The following USP10 variants were observed in gnomAD, a reference collection of about 807,000 sequenced individuals.
USP10 encodes ubiquitin carboxyl-terminal hydrolase 10.
USP10 carries 22 observed loss-of-function variants against 84.5 expected under a neutral mutation model. That is an observed-to-expected ratio of 0.26 (90% CI 0.19 to 0.37). USP10 has a LOEUF of 0.37. Among genes scored for constraint, USP10 ranks in the 10% least tolerant of loss-of-function variants. The pLI, the probability that USP10 is intolerant of heterozygous loss-of-function variation, is 1.00. For synonymous variants in USP10, 454 were observed against 387.6 expected, an observed-to-expected ratio of 1.17 and a Z score of -2.01; for missense variants, 1,019 against 998.9, an observed-to-expected ratio of 1.02 and a Z score of -0.27.
At chr16:84,704,245 A>G (rs76760237) in intron 1 of USP10, among the ~76,000 whole-genome samples, 2 of 152,254 alleles carry the variant, frequency 1.3e-5, no homozygotes, top group Non-Finnish European at 2.9e-5. Context: ...CAGGTGGCAC[A>G]TTAAACGTGG....
chr16:84,737,046 C>T (rs771074786), intron 2 of USP10, among the ~76,000 whole-genome samples: 4 of 152,220 alleles, frequency 2.6e-5, no homozygotes, highest in Non-Finnish European at 5.9e-5. Context: ...CCTCGGCTTC[C>T]CAAAGTGCTG....
At chr16:84,702,702 A>G (rs1407728656) in intron 1 of USP10, among the ~76,000 whole-genome samples, 1 of 152,160 alleles carries the variant, frequency 6.6e-6, no homozygotes, top group Non-Finnish European at 1.5e-5. Context: ...ACAGTTTAAA[A>G]ATGTTTACAG....
chr16:84,706,763 A>G (rs944090885), intron 1 of USP10, among the ~76,000 whole-genome samples: 8 of 151,798 alleles, frequency 5.3e-5, no homozygotes, highest in African/African-American at 1.9e-4. Context: ...GATGGTCTCC[A>G]TCTCCTGACC....
At chr16:84,737,899 G>A (rs1223772724) in intron 2 of USP10, among the ~76,000 whole-genome samples, 2 of 152,168 alleles carry the variant, frequency 1.3e-5, no homozygotes, top group Admixed American at 6.5e-5. Flanking sequence ...CTCAGTCAGC[G>A]CCACCTGGCA....
rs775260912 is a variant in USP10, at chr16:84,753,330, A to G, written c.1193-5386A>G. 8.8e-4 allele frequency among the ~76,000 whole-genome samples: 134 copies of G among 152,164 alleles called. 2 individuals carry two copies. Among genetic ancestry groups the G allele is most frequent in the Non-Finnish European group, 2.8e-4 (19 of 68,026 alleles). ...GTCAAGATTTTAAGGAAGTTGGGCTAACATTTCCTCTTGGGATGCTGAAAG... is the reference window on the plus strand; with the variant it reads ...GTCAAGATTTTAAGGAAGTTGGGCTGACATTTCCTCTTGGGATGCTGAAAG... On this transcript the variant is annotated intron_variant, in intron 4 of 13. Transcript: ENST00000219473.
intron 6 of USP10, among the ~76,000 whole-genome samples, 179 bp downstream of exon 6, chr16:84,759,651 A>G (rs1912972444): frequency 6.6e-6 from 1 of 152,332 alleles, no homozygotes; most frequent in South Asian, 2.1e-4. Flanking sequence ...GAATTGGAGC[A>G]TTGATGATCT....
At position 84,758,658 on chromosome 16, in the gene USP10, T is replaced by G. The variant is rs1245126345; in HGVS notation, c.1193-58T>G. The stretch of plus-strand genomic sequence containing the variant: ...CCCAGAGTAGAGCATGTGAAATGAT[T>G]TGAATGTTCTTCACTAGATGTCATC... On this transcript the variant is annotated intron_variant, in intron 4 of 13. Coordinates refer to ENST00000219473, the MANE Select transcript of USP10 (RefSeq NM_005153.3). 2.5e-6 allele frequency: 3 copies of G among 1,219,248 alleles called. No homozygotes were observed. The Middle Eastern group carries it at 5.7e-4, about 232-fold the overall frequency. The allele number at this position is 1,219,248 out of a possible 1,614,324, so 75.5% of individuals were successfully genotyped here. A position where few individuals can be genotyped will look rare whatever the true frequency, so the allele number is the denominator to read the frequency against.
chr16:84,768,606 A>G (rs1914108440), intron 11 of USP10, among the ~76,000 whole-genome samples: 2 of 152,204 alleles, frequency 1.3e-5, no homozygotes, highest in African/African-American at 4.8e-5. Context: ...ATCTTGAGCT[A>G]CATTTAATTT....
At chr16:84,748,029 C>T (rs897104896) in intron 4 of USP10, among the ~76,000 whole-genome samples, 9 of 151,234 alleles carry the variant, frequency 6.0e-5, no homozygotes, top group Non-Finnish European at 1.2e-4. Context: ...TGGCGGGCGC[C>T]TGTAGTCCCA....
intron 11 of USP10, among the ~76,000 whole-genome samples, chr16:84,768,917 T>C (rs1914142454): frequency 6.6e-6 from 1 of 152,220 alleles, no homozygotes; most frequent in African/African-American, 2.4e-5. Flanking sequence ...TATCACATTA[T>C]AGCTTGGTGG....
chr16:84,745,536 C>T lies in USP10; in HGVS notation c.1055C>T (p.Ser352Phe). The T allele has an allele frequency of 1.2e-6, 2 of 1,613,184 alleles. No individual in the cohort carries two copies. The highest frequency in any genetic ancestry group is 1.7e-6 in the Non-Finnish European group (2 of 1,179,480). The part of the protein sequence containing the change: ...WASLFHDSKP[S>F]SSSPVAYVET... The stretch of plus-strand genomic sequence containing the variant: ...AGCCTCTTTCATGATTCTAAGCCCT[C>T]TTCCTCCTCGCCGGTGGCCTATGTG... The change falls in exon 4 of 14, where the codon TCT becomes TTT. Residue 352 changes from serine (S) to phenylalanine (F), a missense_variant. Physicochemically the swap from Ser to Phe is radical, Grantham distance 155 (BLOSUM62 -2). Coordinates refer to ENST00000219473, the MANE Select transcript of USP10 (RefSeq NM_005153.3).
At chr16:84,751,643 C>T (rs959448712) in intron 4 of USP10, among the ~76,000 whole-genome samples, 6 of 152,190 alleles carry the variant, frequency 3.9e-5, no homozygotes, top group Admixed American at 3.9e-4. Context: ...CTGTCCTCCA[C>T]CTGGTTAGAT....
At chr16:84,754,100 C>T (rs970266246) in intron 4 of USP10, among the ~76,000 whole-genome samples, 2 of 152,052 alleles carry the variant, frequency 1.3e-5, no homozygotes, top group Non-Finnish European at 2.9e-5. Context: ...TTTAAGGAGC[C>T]TCCTGTCCAG....
chr16:84,712,592 G>C lies in USP10; in HGVS notation c.21+12481G>C, dbSNP rs1332036930. 2.0e-5 allele frequency among the ~76,000 whole-genome samples: 3 copies of C among 152,166 alleles called. No individual in the cohort carries two copies. In the East Asian group the frequency reaches 5.8e-4, roughly 29 times the overall value. On this transcript the variant is annotated intron_variant, in intron 1 of 13. Transcript: ENST00000219473. ...ATAATAGTTCTAGGCATGAAGTTCAGGACCACAGCATGCAAGACCCCGAGG... is the reference window on the plus strand; with the variant it reads ...ATAATAGTTCTAGGCATGAAGTTCACGACCACAGCATGCAAGACCCCGAGG...
chr16:84,708,612 ATCT>A (rs1567587316), intron 1 of USP10, among the ~76,000 whole-genome samples: 1 of 152,220 alleles, frequency 6.6e-6, no homozygotes, highest in Non-Finnish European at 1.5e-5. Context: ...ATTTTTCTCC[ATCT>A]TCTTCAAAAT....
intron 1 of USP10, among the ~76,000 whole-genome samples, chr16:84,725,197 C>A (rs1021084038): frequency 2.0e-5 from 3 of 152,160 alleles, no homozygotes; most frequent in Non-Finnish European, 2.9e-5. Context: ...GCCTCCCGCT[C>A]CCCCATTCTC....
At chr16:84,772,520 C>A (rs769107453) in intron 11 of USP10, 21 bp from the exon 12 acceptor site, 1 of 1,613,198 alleles carries the variant, frequency 6.2e-7, no homozygotes, top group Admixed American at 1.7e-5. Context: ...ACGGTGTGTC[C>A]TGGTGTGCTT....
At chr16:84,752,400 A>G (rs570800800) in intron 4 of USP10, among the ~76,000 whole-genome samples, 5 of 152,358 alleles carry the variant, frequency 3.3e-5, no homozygotes, top group African/African-American at 9.6e-5. Flanking sequence ...ACCAATGGCA[A>G]TGACTTTGGA....
chr16:84,758,778 A>G lies in USP10; in HGVS notation c.1255A>G (p.Asn419Asp). The G allele has an allele frequency of 6.2e-7, 1 of 1,613,828 alleles. No individual in the cohort carries two copies. The highest frequency in any genetic ancestry group is 8.5e-7 in the Non-Finnish European group (1 of 1,179,692). The change falls in exon 5 of 14, where the codon AAT (asparagine) becomes GAT (aspartate). Residue 419 changes from asparagine to aspartate, a missense_variant. Around this residue, in one of 2 missense-constraint regions of USP10, gnomAD observed 787 missense variants for 708.8 expected, o/e 1.11. Transcript: ENST00000219473. Reference protein sequence around the residue: ...PVSLQPRGLINKGNWCYINAT... With the variant: ...PVSLQPRGLIDKGNWCYINAT... Reference sequence around the variant, plus strand: ...GTCGTTGCAACCCCGTGGGCTGATCAATAAAGGGAACTGGTGCTACATTAA... The same window carrying G: ...GTCGTTGCAACCCCGTGGGCTGATCGATAAAGGGAACTGGTGCTACATTAA...
Sources: allele counts gnomAD v4.1 joint callset (sites outside exome capture counted in the v4.1 genomes callset), GRCh38; gene constraint gnomAD v4.1.1; regional missense constraint gnomAD v4.1.1; transcripts MANE v1.5; gene names NCBI Gene and HGNC (gene_info 2026-07-23, HGNC 2026-07-21).